The following NRG1 variants were observed in gnomAD, a reference collection of about 807,000 sequenced individuals.
The protein encoded by NRG1 is neuregulin 1.
A neutral mutation model predicts 63.8 loss-of-function variants in NRG1; 18 were observed. The observed-to-expected ratio is 0.28, with a 90% confidence interval of 0.19 to 0.42. The LOEUF (loss-of-function observed/expected upper bound fraction) is 0.42. NRG1 is among the 10% of genes least tolerant of loss of function. NRG1 has a pLI of 1.00. For missense variants in NRG1, 762 were observed against 814.7 expected, an observed-to-expected ratio of 0.94 and a Z score of 0.79; for synonymous variants, 302 against 301.3, an observed-to-expected ratio of 1.00 and a Z score of -0.02.
At chr8:31,930,185 C>G (rs954685815) in intron 1 of NRG1, among the ~76,000 whole-genome samples, 5 of 152,138 alleles carry the variant, frequency 3.3e-5, no homozygotes, top group African/African-American at 1.2e-4. Flanking sequence ...AGAAGAAGTG[C>G]CATTACTACT....
intron 1 of NRG1, among the ~76,000 whole-genome samples, chr8:32,091,065 G>C (rs866616037): frequency 3.5e-4 from 54 of 152,152 alleles, no homozygotes; most frequent in African/African-American, 1.2e-3. Flanking sequence ...GGATCACGAG[G>C]TCAGGAGATC....
chr8:32,143,794 A>T (rs1232944561), intron 1 of NRG1, among the ~76,000 whole-genome samples: 1 of 152,192 alleles, frequency 6.6e-6, no homozygotes, highest in Non-Finnish European at 1.5e-5. Flanking sequence ...ACACCCACTC[A>T]TGCCCATAGG....
Position 32,229,501 on chromosome 8 carries a change from A to G in NRG1, c.38-366327A>G, listed in dbSNP as rs76174073. ...CAGTGTGGGAATGGGGAGAAGGCCA[A>G]TGGTCTCAAGGCAGTTTCCAGCTCT... On this transcript the variant is annotated intron_variant, in intron 1 of 10. Transcript: ENST00000519301. Among the ~76,000 whole-genome samples, 50 of 152,260 alleles carry G rather than the reference A, an allele frequency of 3.3e-4. No homozygotes were observed. The South Asian group carries it at 8.7e-3, about 27-fold the overall frequency.
intron 1 of NRG1, among the ~76,000 whole-genome samples, chr8:32,096,645 C>T (rs939700376): frequency 1.3e-5 from 2 of 152,058 alleles, no homozygotes; most frequent in South Asian, 4.2e-4. Context: ...ATAGAGAGCC[C>T]GTATGTGCAG....
intron 1 of NRG1, among the ~76,000 whole-genome samples, chr8:31,743,527 A>G (rs1489915647): frequency 2.0e-5 from 3 of 151,954 alleles, no homozygotes; most frequent in Non-Finnish European, 4.4e-5. Flanking sequence ...ATCATAAGCT[A>G]TAAATGGTAA....
intron 1 of NRG1, among the ~76,000 whole-genome samples, chr8:32,286,669 A>G (rs909559085): frequency 6.6e-6 from 1 of 152,154 alleles, no homozygotes; most frequent in Non-Finnish European, 1.5e-5. Flanking sequence ...CTGTCTGGCC[A>G]TATGATGCCT....
chr8:32,437,864 A>G (rs1396676630), intron 1 of NRG1, among the ~76,000 whole-genome samples: 1 of 152,212 alleles, frequency 6.6e-6, no homozygotes, highest in African/African-American at 2.4e-5. Flanking sequence ...CCTCTCAGCA[A>G]AAAGATAGAT....
chr8:32,215,096 T>C (rs1481127650), intron 1 of NRG1, among the ~76,000 whole-genome samples: 1 of 152,250 alleles, frequency 6.6e-6, no homozygotes, highest in Non-Finnish European at 1.5e-5. Context: ...TTGTGTCCTA[T>C]GCTTACTTAT....
intron 1 of NRG1, among the ~76,000 whole-genome samples, chr8:32,079,916 T>C (rs1422856655): frequency 1.3e-5 from 2 of 152,256 alleles, no homozygotes; most frequent in African/African-American, 4.8e-5. Flanking sequence ...AAGTTGTATA[T>C]TACATGCATA....
intron 1 of NRG1, among the ~76,000 whole-genome samples, chr8:31,713,470 G>A (rs1322762665): frequency 6.6e-6 from 1 of 152,038 alleles, no homozygotes; most frequent in Non-Finnish European, 1.5e-5. Context: ...ATATTCTACT[G>A]TTATTGTAAC....
At chr8:32,316,071 C>G (rs190595416) in intron 1 of NRG1, among the ~76,000 whole-genome samples, 4 of 152,072 alleles carry the variant, frequency 2.6e-5, no homozygotes, top group East Asian at 3.9e-4. Context: ...TGAAGAAAAA[C>G]AAACAAATAA....
chr8:32,059,181 G>A (rs1186655198), intron 1 of NRG1, among the ~76,000 whole-genome samples: 1 of 151,794 alleles, frequency 6.6e-6, no homozygotes, highest in Non-Finnish European at 1.5e-5. Flanking sequence ...TTAAAATTAA[G>A]CTGCATTTCT....
At chr8:31,873,621 A>T (rs901822342) in intron 1 of NRG1, among the ~76,000 whole-genome samples, 1 of 152,164 alleles carries the variant, frequency 6.6e-6, no homozygotes, top group African/African-American at 2.4e-5. Context: ...ATAGGAAGAG[A>T]GGCTGAGAAG....
At chr8:32,552,909 A>G (rs1048395575) in intron 1 of NRG1, among the ~76,000 whole-genome samples, 3 of 152,186 alleles carry the variant, frequency 2.0e-5, no homozygotes, top group African/African-American at 7.2e-5. Flanking sequence ...TGTGCTGGAC[A>G]CTTTTATGTT....
intron 1 of NRG1, among the ~76,000 whole-genome samples, chr8:32,528,126 T>C (rs1443677935): frequency 1.3e-5 from 2 of 152,240 alleles, no homozygotes; most frequent in Non-Finnish European, 2.9e-5. Flanking sequence ...TCTCCTTAAA[T>C]ACCACCTCTT....
intron 1 of NRG1, among the ~76,000 whole-genome samples, chr8:32,147,883 CTTG>C (rs778243204): frequency 5.4e-4 from 82 of 152,130 alleles, no homozygotes; most frequent in Non-Finnish European, 8.5e-4. Flanking sequence ...TTGAATTTCT[CTTG>C]TTGTTTGAAA....
At chr8:32,108,701 TA>T (rs1378631948) in intron 1 of NRG1, among the ~76,000 whole-genome samples, 1 of 151,976 alleles carries the variant, frequency 6.6e-6, no homozygotes, top group African/African-American at 2.4e-5. Context: ...GAGAGTGACG[TA>T]ATGCGAACAG....
chr8:31,870,746 A>AT (rs946346455), intron 1 of NRG1, among the ~76,000 whole-genome samples: 4 of 151,804 alleles, frequency 2.6e-5, no homozygotes, highest in Admixed American at 6.5e-5. Flanking sequence ...TTATTTATTT[A>AT]TTTTTTTTAG....
chr8:32,667,950 C>T (rs1482925789), intron 5 of NRG1, among the ~76,000 whole-genome samples: 2 of 152,156 alleles, frequency 1.3e-5, no homozygotes, highest in East Asian at 1.9e-4. Flanking sequence ...CGGTGACTCA[C>T]ACCTGTAATC....
Sources: gnomAD v4.1 joint callset for allele counts (sites outside exome capture counted in the v4.1 genomes callset) on GRCh38, gnomAD v4.1.1 for gene constraint, MANE v1.5 for transcripts, NCBI Gene and HGNC (gene_info 2026-07-23, HGNC 2026-07-21) for gene names.